Variants in SOX6 observed in about 807,000 individuals in gnomAD.
SOX6 encodes the protein transcription factor SOX-6.
Under a neutral mutation model 97.8 loss-of-function variants are expected in SOX6, and 11 were observed. The observed-to-expected ratio is 0.11, with a 90% CI of 0.07 to 0.19. The LOEUF (loss-of-function observed/expected upper bound fraction) is 0.19, where lower values mean the gene tolerates loss of function less well. Ranked by LOEUF, SOX6 falls within the 10% of genes least tolerant of loss-of-function variation. The probability of loss-of-function intolerance (pLI) is 1.00; values close to 1 mark genes in which losing one functional copy is unlikely to be tolerated. For synonymous variants in SOX6, 360 were observed against 371.4 expected (o/e 0.97, Z 0.35); for missense variants, 810 against 1,039.5 (o/e 0.78, Z 3.04).
chr11:16,343,982 G>A (rs1023992069), intron 1 of SOX6, among the ~76,000 whole-genome samples: 1 of 151,910 alleles, frequency 6.6e-6, no homozygotes, highest in African/African-American at 2.4e-5. Context: ...GGAGACAGGG[G>A]AGGTAGGACA....
chr11:16,731,565 T>C (rs1241335449), intron 2 of SOX6, among the ~76,000 whole-genome samples: 1 of 152,176 alleles, frequency 6.6e-6, no homozygotes, highest in Non-Finnish European at 1.5e-5. Flanking sequence ...CTAAAAACTC[T>C]CAATAAATTA....
chr11:16,323,835 A>G (rs1855993699), intron 2 of SOX6, among the ~76,000 whole-genome samples: 1 of 152,106 alleles, frequency 6.6e-6, no homozygotes, highest in Non-Finnish European at 1.5e-5. Context: ...AGCATACAAC[A>G]AAATTAAATA....
chr11:16,243,380 T>C (rs1424217749), intron 3 of SOX6, among the ~76,000 whole-genome samples: 1 of 151,960 alleles, frequency 6.6e-6, no homozygotes, highest in Non-Finnish European at 1.5e-5. Context: ...ATGTTTCTGA[T>C]ACCACTTTGT....
At chr11:16,628,228 G>C (rs1848651215) in intron 3 of SOX6, among the ~76,000 whole-genome samples, 1 of 152,156 alleles carries the variant, frequency 6.6e-6, no homozygotes, top group South Asian at 2.1e-4. Flanking sequence ...CAGGTAATGT[G>C]ATGCCTCCAG....
chr11:16,001,974 C>T (rs1272360776), intron 13 of SOX6, among the ~76,000 whole-genome samples: 1 of 152,168 alleles, frequency 6.6e-6, no homozygotes, highest in Non-Finnish European at 1.5e-5. Context: ...TGAAAAAGGG[C>T]TTTATTATTG....
intron 4 of SOX6, among the ~76,000 whole-genome samples, chr11:16,524,169 C>A (rs1460239432): frequency 6.6e-6 from 1 of 151,982 alleles, no homozygotes; most frequent in East Asian, 1.9e-4. Context: ...GGCAGAGACA[C>A]AAACAAAAAA....
At chr11:16,712,183 A>G (rs1848186838) in intron 3 of SOX6, among the ~76,000 whole-genome samples, 2 of 151,626 alleles carry the variant, frequency 1.3e-5, no homozygotes, top group African/African-American at 4.8e-5. Flanking sequence ...TGATTTTGCA[A>G]TTGTGAATTG....
intron 2 of SOX6, among the ~76,000 whole-genome samples, chr11:16,335,259 A>G (rs1377695916): frequency 1.3e-5 from 2 of 152,190 alleles, no homozygotes; most frequent in Non-Finnish European, 1.5e-5. Context: ...TTCACCTGTT[A>G]ACAGAAATCT....
chr11:16,662,041 T>C (rs1215125922), intron 3 of SOX6, among the ~76,000 whole-genome samples: 1 of 152,234 alleles, frequency 6.6e-6, no homozygotes, highest in Non-Finnish European at 1.5e-5. Context: ...TAGTTATCTA[T>C]TAAATCATCT....
At chr11:16,715,195 T>C (rs1318243552) in intron 2 of SOX6, among the ~76,000 whole-genome samples, 3 of 152,202 alleles carry the variant, frequency 2.0e-5, no homozygotes, top group African/African-American at 7.2e-5. Context: ...AGGGCTGTAG[T>C]ATAAAGTACC....
chr11:16,039,988 G>A (rs1855616601), intron 12 of SOX6, among the ~76,000 whole-genome samples: 1 of 151,860 alleles, frequency 6.6e-6, no homozygotes, highest in Non-Finnish European at 1.5e-5. Flanking sequence ...GAAACTACCT[G>A]CCATAATGGG....
At chr11:16,095,543 C>G (rs953678395) in intron 9 of SOX6, among the ~76,000 whole-genome samples, 22 of 151,856 alleles carry the variant, frequency 1.4e-4, no homozygotes, top group Admixed American at 3.9e-4. Flanking sequence ...TATTTTATAG[C>G]CTTGGTTAAA....
intron 6 of SOX6, among the ~76,000 whole-genome samples, chr11:16,145,777 A>G (rs1442219973): frequency 6.6e-6 from 1 of 152,226 alleles, no homozygotes; most frequent in Admixed American, 6.5e-5. Context: ...TAAAATACCT[A>G]GGAATCCAAC....
At chr11:16,268,837 T>C (rs962351431) in intron 3 of SOX6, among the ~76,000 whole-genome samples, 1 of 151,102 alleles carries the variant, frequency 6.6e-6, no homozygotes, top group African/African-American at 2.4e-5. Context: ...TATTAGTCCT[T>C]TATTTTTTAT....
At chr11:16,581,002 T>A (rs185209594) in intron 4 of SOX6, among the ~76,000 whole-genome samples, 5 of 152,124 alleles carry the variant, frequency 3.3e-5, no homozygotes, top group African/African-American at 1.2e-4. Context: ...TTGGTGGGAA[T>A]GTAAATTAGT....
intron 9 of SOX6, among the ~76,000 whole-genome samples, chr11:16,066,717 T>A (rs911283281): frequency 6.6e-6 from 1 of 152,096 alleles, no homozygotes; most frequent in South Asian, 2.1e-4. Flanking sequence ...CTCATGGAGA[T>A]AGAGAGTAGA....
chr11:16,328,726 A>G (rs566875274), intron 2 of SOX6, among the ~76,000 whole-genome samples: 1 of 152,308 alleles, frequency 6.6e-6, no homozygotes, highest in South Asian at 2.1e-4. Flanking sequence ...ACCTTCTACT[A>G]TAGTGTTATT....
intron 4 of SOX6, among the ~76,000 whole-genome samples, chr11:16,515,019 G>A (rs1394941066): frequency 6.6e-6 from 1 of 151,788 alleles, no homozygotes; most frequent in East Asian, 1.9e-4. Context: ...GTGTGCATGT[G>A]TCTTTATAGC....
At chr11:16,317,738 C>G (rs1444910469) in intron 3 of SOX6, 1 of 163,830 alleles carries the variant, frequency 6.1e-6, no homozygotes, top group Non-Finnish European at 1.3e-5. Context: ...CTATTAATTA[C>G]TCTACATTTT....
Sources: gnomAD v4.1 joint callset for allele counts (sites outside exome capture counted in the v4.1 genomes callset) on GRCh38, gnomAD v4.1.1 for gene constraint, MANE v1.5 for transcripts, NCBI Gene and HGNC (gene_info 2026-07-23, HGNC 2026-07-21) for gene names.